TRIOBP: variants seen among roughly 807,000 people sequenced by gnomAD.
The protein encoded by TRIOBP is TRIO and F-actin-binding protein.
TRIOBP carries 169 observed loss-of-function variants against 238.8 expected under a neutral mutation model. That is an observed-to-expected ratio of 0.71 (90% CI 0.62 to 0.80). TRIOBP has a LOEUF of 0.80. Among genes scored for constraint, TRIOBP ranks in the 30% least tolerant of loss-of-function variants. The probability of loss-of-function intolerance (pLI) is 0.00; values close to 1 mark genes in which losing one functional copy is unlikely to be tolerated. For missense variants in TRIOBP, 2,838 were observed against 3,122.6 expected, an observed-to-expected ratio of 0.91 and a Z score of 2.17; for synonymous variants, 1,150 against 1,274.4, an observed-to-expected ratio of 0.90 and a Z score of 2.08.
intron 3 of TRIOBP, among the ~76,000 whole-genome samples, chr22:37,705,358 G>C (rs1047316244): frequency 2.0e-5 from 3 of 151,882 alleles, no homozygotes; most frequent in African/African-American, 7.2e-5. Flanking sequence ...CTGGGCAACA[G>C]AGCGAGAATC....
intron 15 of TRIOBP, among the ~76,000 whole-genome samples, chr22:37,756,530 C>A (rs1925929087): frequency 6.6e-6 from 1 of 152,228 alleles, no homozygotes; most frequent in Admixed American, 6.5e-5. Flanking sequence ...AAGCACTGTG[C>A]AGTTGGACTG....
At chr22:37,760,950 G>A (rs1252377657) in intron 17 of TRIOBP, among the ~76,000 whole-genome samples, 3 of 147,984 alleles carry the variant, frequency 2.0e-5, no homozygotes, top group East Asian at 2.0e-4. Context: ...CCAGCCTGGC[G>A]ACAGAGTAAG....
chr22:37,716,908 G>A (rs183970232), intron 6 of TRIOBP, among the ~76,000 whole-genome samples: 198 of 152,314 alleles, frequency 1.3e-3, no homozygotes, highest in African/African-American at 4.3e-3. Flanking sequence ...AATCACTGGC[G>A]GATGCAAAAT....
At chr22:37,742,288 G>A (rs577529849) in intron 11 of TRIOBP, among the ~76,000 whole-genome samples, 26 of 118,574 alleles carry the variant, frequency 2.2e-4, no homozygotes, top group Non-Finnish European at 2.8e-4. Flanking sequence ...AATTAAGATA[G>A]AGTCTCGTTC....
At chr22:37,705,205 T>C (rs1922871482) in intron 3 of TRIOBP, among the ~76,000 whole-genome samples, 1 of 151,992 alleles carries the variant, frequency 6.6e-6, no homozygotes, top group Non-Finnish European at 1.5e-5. Context: ...TGAAACCCCA[T>C]CTCTATTAAA....
chr22:37,751,097 A>G, intron 11 of TRIOBP: 1 of 430,728 alleles, frequency 2.3e-6, no homozygotes, highest in Non-Finnish European at 4.7e-6. Context: ...CAACTTCTTT[A>G]TCTAGGCCTG....
At position 37,725,618 on chromosome 22, in the gene TRIOBP, G is replaced by A. The variant is rs748707289; in HGVS notation, c.3062G>A (p.Arg1021Gln). Residue 1021 changes from arginine (R) to glutamine (Q), a missense_variant, in exon 7 of 24, where the codon CGG becomes CAG. Transcript: ENST00000644935. ...QPPCAVCIGH[R>Q]DAPRASSPPR... The stretch of plus-strand genomic sequence containing the variant: ...CCATGTGCTGTGTGCATTGGGCACC[G>A]GGATGCCCCTCGAGCCTCTTCGCCC... 5.0e-6 allele frequency: 8 copies of A among 1,613,706 alleles called. No individual in the cohort carries two copies. Among genetic ancestry groups the A allele is most frequent in the African/African-American group, 4.0e-5 (3 of 74,852 alleles).
intron 11 of TRIOBP, among the ~76,000 whole-genome samples, chr22:37,743,297 C>T (rs1252125092): frequency 6.6e-6 from 1 of 152,260 alleles, no homozygotes; most frequent in Non-Finnish European, 1.5e-5. Context: ...GAGTCGAGTT[C>T]TGGCTTGGCA....
At chr22:37,739,915 C>G (rs1400360037) in intron 10 of TRIOBP, among the ~76,000 whole-genome samples, 1 of 152,230 alleles carries the variant, frequency 6.6e-6, no homozygotes, top group Non-Finnish European at 1.5e-5. Context: ...ATATCTCAAC[C>G]TACCCCCACC....
At position 37,772,778 on chromosome 22, in the gene TRIOBP, C is replaced by T. The variant is rs775926273; in HGVS notation, c.*2+14C>T. On this transcript the variant is annotated intron_variant, in intron 23 of 23. Transcript: ENST00000644935. ...GGCTGAGTAGAGGTGGATGCCGAGGCGTGTGCCCTGCAGGGTGGGCAGGGG... is the reference window on the plus strand; with the variant it reads ...GGCTGAGTAGAGGTGGATGCCGAGGTGTGTGCCCTGCAGGGTGGGCAGGGG... The T allele has an allele frequency of 1.1e-5, 18 of 1,611,162 alleles. No individual in the cohort carries two copies. The highest frequency in any genetic ancestry group is 2.2e-5 in the East Asian group (1 of 44,872).
intron 12 of TRIOBP, among the ~76,000 whole-genome samples, chr22:37,752,067 A>G (rs944904140): frequency 6.6e-6 from 1 of 152,172 alleles, no homozygotes; most frequent in Non-Finnish European, 1.5e-5. Flanking sequence ...GATCTCATCA[A>G]GAGTCTCTTG....
intron 4 of TRIOBP, among the ~76,000 whole-genome samples, chr22:37,712,957 A>T (rs960063113): frequency 7.2e-6 from 1 of 138,412 alleles, no homozygotes; most frequent in Non-Finnish European, 1.5e-5. Flanking sequence ...ACTCTGTCTC[A>T]AAATAAATAA....
chr22:37,719,989 C>CA (rs367687004), intron 6 of TRIOBP, among the ~76,000 whole-genome samples: 3 of 71,204 alleles, frequency 4.2e-5, no homozygotes, highest in Admixed American at 1.7e-4. Flanking sequence ...TTTCACTCAT[C>CA]CCCCCCCGCC....
intron 6 of TRIOBP, among the ~76,000 whole-genome samples, chr22:37,717,402 T>A (rs1923578624): frequency 6.6e-6 from 1 of 152,214 alleles, no homozygotes. Context: ...TGGGGCAGCC[T>A]GCTTTTATTC....
chr22:37,712,891 AGAT>A (rs1923325794), intron 4 of TRIOBP, among the ~76,000 whole-genome samples: 1 of 151,686 alleles, frequency 6.6e-6, no homozygotes, highest in Non-Finnish European at 1.5e-5. Flanking sequence ...TGGGAGGCAG[AGAT>A]TGCAGTGAGC....
chr22:37,769,504 A>T (rs1926664545), intron 21 of TRIOBP, 129 bp downstream of exon 21: 1 of 892,228 alleles, frequency 1.1e-6, no homozygotes, highest in Admixed American at 2.0e-5. Flanking sequence ...GGCCAGCCTG[A>T]CTAGGCTAGA....
Position 37,757,675 on chromosome 22 carries a change from AGGCAGG to A in TRIOBP, c.5753_5758del (p.Ala1918_Gly1919del), listed in dbSNP as rs1353981978. On this transcript the variant is annotated inframe_deletion, in exon 16 of 24. Transcript: ENST00000644935. Reference sequence around the variant, plus strand: ...TACAGCACCCAGAAGGGCCCCCTGAAGGCAGGGGAGCAGCGGGCGGGCTCTGAGGTC... The same window carrying A: ...TACAGCACCCAGAAGGGCCCCCTGAAGGAGCAGCGGGCGGGCTCTGAGGTC... The A allele has an allele frequency of 6.3e-7, 1 of 1,590,504 alleles. No individual in the cohort carries two copies. Among genetic ancestry groups the A allele is most frequent in the South Asian group, 1.1e-5 (1 of 87,762 alleles).
chr22:37,759,195 A>G lies in TRIOBP; in HGVS notation c.6255A>G (p.Gln2085=), dbSNP rs2145871867. 1.2e-6 allele frequency: 2 copies of G among 1,612,966 alleles called. No individual in the cohort carries two copies. Among genetic ancestry groups the G allele is most frequent in the Non-Finnish European group, 1.7e-6 (2 of 1,179,972 alleles). The change falls in exon 17 of 24, where the codon CAA becomes CAG. Residue 2085 remains glutamine (Q), a synonymous_variant. Coordinates refer to ENST00000644935, the MANE Select transcript of TRIOBP (RefSeq NM_001039141.3). ...LRAQLEAWRL[Q]GEAPQSALRS... ...CCCAGCTGGAGGCGTGGCGTCTCCAAGGGGAGGCTCCTCAGAGTGCACTGA... is the reference window on the plus strand; with the variant it reads ...CCCAGCTGGAGGCGTGGCGTCTCCAGGGGGAGGCTCCTCAGAGTGCACTGA...
intron 5 of TRIOBP, among the ~76,000 whole-genome samples, chr22:37,713,739 C>T (rs1036023843): frequency 6.6e-6 from 1 of 152,166 alleles, no homozygotes; most frequent in Non-Finnish European, 1.5e-5. Flanking sequence ...GTGTCTAGCG[C>T]AAGAGTGGCA....
Sources: allele counts gnomAD v4.1 joint callset (sites outside exome capture counted in the v4.1 genomes callset), GRCh38; gene constraint gnomAD v4.1.1; transcripts MANE v1.5; gene names NCBI Gene and HGNC (gene_info 2026-07-23, HGNC 2026-07-21).